Variants in SHISA9 observed in about 807,000 individuals in gnomAD.
SHISA9 encodes the protein shisa family member 9.
Under a neutral mutation model 38.0 loss-of-function variants are expected in SHISA9, and 13 were observed. That is an observed-to-expected ratio of 0.34 (90% CI 0.22 to 0.54). The LOEUF (loss-of-function observed/expected upper bound fraction) is 0.54. SHISA9 is among the 20% of genes least tolerant of loss of function. The pLI, the probability that SHISA9 is intolerant of heterozygous loss-of-function variation, is 0.91. For missense variants in SHISA9, 538 were observed against 575.8 expected, an observed-to-expected ratio of 0.93 and a Z score of 0.67; for synonymous variants, 275 against 242.0, an observed-to-expected ratio of 1.14 and a Z score of -1.27.
At chr16:13,052,570 G>C (rs572045059) in intron 2 of SHISA9, among the ~76,000 whole-genome samples, 3 of 152,276 alleles carry the variant, frequency 2.0e-5, no homozygotes, top group African/African-American at 4.8e-5. Flanking sequence ...CCCAATCTAT[G>C]GCAGAAATAC....
intron 2 of SHISA9, among the ~76,000 whole-genome samples, chr16:12,954,984 C>G (rs72782666): frequency 6.6e-6 from 1 of 151,892 alleles, no homozygotes; most frequent in Non-Finnish European, 1.5e-5. Flanking sequence ...TTGTGTTATT[C>G]CCTCACAATA....
intron 2 of SHISA9, among the ~76,000 whole-genome samples, chr16:13,076,482 C>G (rs1188248558): frequency 6.6e-6 from 1 of 152,208 alleles, no homozygotes; most frequent in Non-Finnish European, 1.5e-5. Context: ...CCTGCTCCCT[C>G]CTTTCCCCCA....
At chr16:13,220,713 T>C (rs1187238605) in intron 4 of SHISA9, among the ~76,000 whole-genome samples, 1 of 152,082 alleles carries the variant, frequency 6.6e-6, no homozygotes, top group Non-Finnish European at 1.5e-5. Context: ...AGGAAGGCAG[T>C]GAGTGGATGC....
At chr16:13,126,394 G>T (rs2050256413) in intron 2 of SHISA9, among the ~76,000 whole-genome samples, 1 of 152,124 alleles carries the variant, frequency 6.6e-6, no homozygotes, top group Non-Finnish European at 1.5e-5. Context: ...CAAAGAATGG[G>T]CAGTTAATCA....
chr16:13,392,213 C>G, the SHISA9 span, among the ~76,000 whole-genome samples: 3 of 152,082 alleles, frequency 2.0e-5, no homozygotes, highest in Admixed American at 6.5e-5. Context: ...CTCCCAGTGC[C>G]TTAGAATGTG....
intron 2 of SHISA9, among the ~76,000 whole-genome samples, chr16:12,974,479 GTTTTTTTT>G (rs58309847): frequency 2.2e-5 from 2 of 91,788 alleles, no homozygotes; most frequent in African/African-American, 8.6e-5. Flanking sequence ...ATTTCTGGTG[GTTTTTTTT>G]TTTTTTTTTT....
the SHISA9 span, among the ~76,000 whole-genome samples, chr16:13,496,594 A>C: frequency 1.3e-5 from 2 of 152,134 alleles, no homozygotes; most frequent in Non-Finnish European, 2.9e-5. Flanking sequence ...GAAGTTCATC[A>C]CTGCTTCCAT....
chr16:13,081,750 G>A (rs2073652333), intron 2 of SHISA9, among the ~76,000 whole-genome samples: 1 of 151,942 alleles, frequency 6.6e-6, no homozygotes, highest in African/African-American at 2.4e-5. Context: ...CTACTCAGGA[G>A]GCTGAGGCAG....
At chr16:12,929,544 A>G (rs959513086) in intron 2 of SHISA9, among the ~76,000 whole-genome samples, 1 of 152,102 alleles carries the variant, frequency 6.6e-6, no homozygotes, top group African/African-American at 2.4e-5. Context: ...CAGAAACAGA[A>G]AAGCAAACAC....
At chr16:13,008,016 A>G (rs2072620503) in intron 2 of SHISA9, among the ~76,000 whole-genome samples, 1 of 151,774 alleles carries the variant, frequency 6.6e-6, no homozygotes, top group Non-Finnish European at 1.5e-5. Context: ...AGCCTCTGTG[A>G]CTCTCTTCCT....
At chr16:13,173,150 T>TGCAC (rs2050701553) in intron 2 of SHISA9, among the ~76,000 whole-genome samples, 6 of 141,906 alleles carry the variant, frequency 4.2e-5, no homozygotes, top group South Asian at 2.2e-4. Flanking sequence ...GAGATGCACG[T>TGCAC]GCGCACACAC....
the SHISA9 span, among the ~76,000 whole-genome samples, chr16:13,268,610 TA>T: frequency 6.6e-6 from 1 of 152,186 alleles, no homozygotes; most frequent in African/African-American, 2.4e-5. Context: ...TGGGGAACAT[TA>T]CACTTCTCCG....
chr16:12,929,135 A>T (rs980008423), intron 2 of SHISA9, among the ~76,000 whole-genome samples: 21 of 152,220 alleles, frequency 1.4e-4, no homozygotes, highest in Non-Finnish European at 2.9e-4. Context: ...AAAGTCAAAG[A>T]ATAACAGATG....
the SHISA9 span, among the ~76,000 whole-genome samples, chr16:13,317,238 C>A: frequency 6.6e-3 from 1,006 of 152,288 alleles, 8 homozygotes; most frequent in Non-Finnish European, 0.011. Context: ...AGTCTGGATG[C>A]CAAGAAGTCT....
At chr16:13,552,792 G>C in the SHISA9 span, among the ~76,000 whole-genome samples, 3 of 152,032 alleles carry the variant, frequency 2.0e-5, no homozygotes, top group African/African-American at 7.2e-5. Context: ...GGTCAGGCTA[G>C]CTCTCTTCAC....
chr16:13,175,981 A>G (rs765536626), intron 2 of SHISA9, among the ~76,000 whole-genome samples: 9 of 152,150 alleles, frequency 5.9e-5, no homozygotes, highest in African/African-American at 9.7e-5. Context: ...TCTCTTGCCA[A>G]ATCAAATCTC....
intron 2 of SHISA9, among the ~76,000 whole-genome samples, chr16:13,044,452 T>C (rs551144141): frequency 9.2e-5 from 14 of 152,330 alleles, no homozygotes; most frequent in African/African-American, 3.4e-4. Flanking sequence ...AAATGTTTTA[T>C]TGAGTGCCTA....
chr16:13,557,471 A>T, the SHISA9 span, among the ~76,000 whole-genome samples: 2 of 152,186 alleles, frequency 1.3e-5, no homozygotes, highest in Non-Finnish European at 1.5e-5. Flanking sequence ...TGATGATTAG[A>T]AGACACCCGT....
At chr16:12,998,632 C>T (rs961029964) in intron 2 of SHISA9, among the ~76,000 whole-genome samples, 2 of 152,124 alleles carry the variant, frequency 1.3e-5, no homozygotes, top group African/African-American at 4.8e-5. Context: ...CTGGCTCAAG[C>T]GATCCTCCCA....
Sources: allele counts gnomAD v4.1 joint callset (sites outside exome capture counted in the v4.1 genomes callset), GRCh38; gene constraint gnomAD v4.1.1; transcripts MANE v1.5; gene names NCBI Gene and HGNC (gene_info 2026-07-23, HGNC 2026-07-21).